Variants in DLG2 observed in about 807,000 individuals in gnomAD.
DLG2 encodes the protein disks large homolog 2.
In DLG2, 45 loss-of-function variants were observed where a neutral mutation model predicts 132.5. The observed-to-expected ratio is 0.34, with a 90% CI of 0.27 to 0.44. The LOEUF (loss-of-function observed/expected upper bound fraction) is 0.44, where lower values mean the gene tolerates loss of function less well. Among genes scored for constraint, DLG2 ranks in the 20% least tolerant of loss-of-function variants. DLG2 has a pLI of 1.00. For synonymous variants in DLG2, 424 were observed against 419.6 expected, an observed-to-expected ratio of 1.01 and a Z score of -0.13; for missense variants, 1,045 against 1,196.9, an observed-to-expected ratio of 0.87 and a Z score of 1.87.
At chr11:85,480,579 T>C (rs2093264294) in intron 3 of DLG2, among the ~76,000 whole-genome samples, 1 of 152,226 alleles carries the variant, frequency 6.6e-6, no homozygotes, top group Admixed American at 6.5e-5. Context: ...ACATGTGTAA[T>C]GAGAGCATAT....
intron 14 of DLG2, among the ~76,000 whole-genome samples, chr11:83,959,748 TGAAAACAGA>T (rs2087984476): frequency 6.6e-6 from 1 of 152,074 alleles, no homozygotes; most frequent in African/African-American, 2.4e-5. Context: ...ATGGGGCCTT[TGAAAACAGA>T]CAGACCTGAA....
At chr11:84,862,124 C>T (rs1450066801) in intron 6 of DLG2, among the ~76,000 whole-genome samples, 1 of 151,854 alleles carries the variant, frequency 6.6e-6, no homozygotes, top group Admixed American at 6.6e-5. Flanking sequence ...CAGCATGGCA[C>T]ATGTATACAC....
chr11:85,070,948 T>C (rs937881051), intron 6 of DLG2, among the ~76,000 whole-genome samples: 3 of 151,852 alleles, frequency 2.0e-5, no homozygotes, highest in African/African-American at 7.2e-5. Flanking sequence ...AAAATAGCAG[T>C]GAAGAGCTTG....
At chr11:85,233,412 CAG>C (rs1245952958) in intron 4 of DLG2, among the ~76,000 whole-genome samples, 1 of 151,888 alleles carries the variant, frequency 6.6e-6, no homozygotes, top group Non-Finnish European at 1.5e-5. Flanking sequence ...TCATTTTTCA[CAG>C]AGTCAGCCTC....
intron 7 of DLG2, among the ~76,000 whole-genome samples, chr11:84,515,276 T>TAC (rs142638064): frequency 0.044 from 6,242 of 141,872 alleles, 133 homozygotes; most frequent in African/African-American, 0.055. Context: ...TGAACTTAAA[T>TAC]ACACACACAC....
chr11:85,102,612 A>T lies in DLG2; in HGVS notation c.357+9049T>A, dbSNP rs1417866261. Among the ~76,000 whole-genome samples the T allele has an allele frequency of 3.9e-5, 6 of 152,014 alleles. No individual in the cohort carries two copies. In the East Asian group the frequency reaches 9.7e-4, roughly 24 times the overall value. On this transcript the variant is annotated intron_variant, in intron 6 of 27. Transcript: ENST00000376104. ...CCCTTTCATAATAAAAACAACCAAC[A>T]TTAGTAATTAAGGGAACTTCCTCAG...
Position 84,499,771 on chromosome 11 carries a change from A to G in DLG2, c.519+34799T>C, listed in dbSNP as rs116096076. On this transcript the variant is annotated intron_variant, in intron 7 of 27. Transcript: ENST00000376104. Reference sequence around the variant, plus strand: ...CTTCCTCTCTCTCTCTCTCTCTCACATGCACACACATGCATATATGCTCAC... The same window carrying G: ...CTTCCTCTCTCTCTCTCTCTCTCACGTGCACACACATGCATATATGCTCAC... Among the ~76,000 whole-genome samples the G allele has an allele frequency of 4.6e-5, 7 of 151,900 alleles. No homozygotes were observed. The South Asian group carries it at 1.5e-3, about 32-fold the overall frequency.
At chr11:84,229,885 G>A (rs1188396779) in intron 8 of DLG2, among the ~76,000 whole-genome samples, 1 of 152,178 alleles carries the variant, frequency 6.6e-6, no homozygotes, top group Non-Finnish European at 1.5e-5. Flanking sequence ...CCAGTACTGA[G>A]TAAGCACTCA....
intron 21 of DLG2, among the ~76,000 whole-genome samples, chr11:83,492,783 C>T (rs1467708111): frequency 6.6e-6 from 1 of 152,054 alleles, no homozygotes; most frequent in Non-Finnish European, 1.5e-5. Flanking sequence ...CCACCTCTCA[C>T]CATCTCCACC....
intron 5 of DLG2, among the ~76,000 whole-genome samples, chr11:85,144,123 T>C (rs1387117257): frequency 1.3e-5 from 2 of 151,888 alleles, no homozygotes; most frequent in Non-Finnish European, 2.9e-5. Flanking sequence ...TGGGTGCATA[T>C]ACATTTATAA....
At chr11:84,189,936 A>G (rs917178186) in intron 8 of DLG2, among the ~76,000 whole-genome samples, 3 of 152,020 alleles carry the variant, frequency 2.0e-5, no homozygotes, top group East Asian at 3.9e-4. Context: ...ACGTTTCCCT[A>G]TGTAACAACT....
intron 6 of DLG2, among the ~76,000 whole-genome samples, chr11:84,976,025 G>C (rs924113825): frequency 6.6e-6 from 1 of 152,034 alleles, no homozygotes; most frequent in Non-Finnish European, 1.5e-5. Context: ...CAAATATCCT[G>C]TCTCCAACAA....
intron 6 of DLG2, among the ~76,000 whole-genome samples, chr11:84,862,315 A>G (rs967939043): frequency 6.6e-6 from 1 of 152,232 alleles, no homozygotes; most frequent in Non-Finnish European, 1.5e-5. Context: ...TAAAGTCAGG[A>G]AACAACAGAT....
chr11:83,700,888 C>A (rs1431225259), intron 18 of DLG2, among the ~76,000 whole-genome samples: 2 of 152,068 alleles, frequency 1.3e-5, no homozygotes, highest in Non-Finnish European at 2.9e-5. Flanking sequence ...ATATTGTAAC[C>A]CAAACAATTG....
chr11:84,567,325 C>T (rs756714698), intron 6 of DLG2, among the ~76,000 whole-genome samples: 3 of 152,068 alleles, frequency 2.0e-5, no homozygotes, highest in Non-Finnish European at 4.4e-5. Flanking sequence ...AGAAAGCAAG[C>T]TGAAAAGTAT....
intron 6 of DLG2, among the ~76,000 whole-genome samples, chr11:84,860,364 T>A (rs1429761228): frequency 6.6e-6 from 1 of 152,154 alleles, no homozygotes; most frequent in Non-Finnish European, 1.5e-5. Flanking sequence ...CAGAGAATGT[T>A]CATTAAGTAC....
At position 85,495,546 on chromosome 11, in the gene DLG2, G is replaced by C. The variant is rs370195276; in HGVS notation, c.40+103111C>G. 9.2e-5 allele frequency among the ~76,000 whole-genome samples: 14 copies of C among 152,222 alleles called. No homozygotes were observed. In the East Asian group the frequency reaches 2.5e-3, roughly 27 times the overall value. Reference sequence around the variant, plus strand: ...CATGAAAAAAAGCTCATCATCACTAGTCATTAGAAAAATGCAAATCAAAAC... The same window carrying C: ...CATGAAAAAAAGCTCATCATCACTACTCATTAGAAAAATGCAAATCAAAAC... On this transcript the variant is annotated intron_variant, in intron 3 of 27. Coordinates refer to ENST00000376104, the MANE Select transcript of DLG2 (RefSeq NM_001142699.3).
chr11:84,964,603 A>G (rs2053063715), intron 6 of DLG2, among the ~76,000 whole-genome samples: 1 of 152,132 alleles, frequency 6.6e-6, no homozygotes, highest in African/African-American at 2.4e-5. Flanking sequence ...CTCTGCCGTT[A>G]ATATGTCAGA....
rs76715826 is a variant in DLG2, at chr11:85,203,454, G to C, written c.187-48803C>G. On this transcript the variant is annotated intron_variant, in intron 4 of 27. Coordinates refer to ENST00000376104, the MANE Select transcript of DLG2 (RefSeq NM_001142699.3). ...ATTAGGAAACCTAGAAGAAATTAGTGAATAAATTTCTGGACATATACAACT... is the reference window on the plus strand; with the variant it reads ...ATTAGGAAACCTAGAAGAAATTAGTCAATAAATTTCTGGACATATACAACT... 3.0e-4 allele frequency among the ~76,000 whole-genome samples: 45 copies of C among 152,036 alleles called. 1 individual carries two copies. In the East Asian group the frequency reaches 8.7e-3, roughly 29 times the overall value.
Sources: gnomAD v4.1 joint callset for allele counts (sites outside exome capture counted in the v4.1 genomes callset) on GRCh38, gnomAD v4.1.1 for gene constraint, MANE v1.5 for transcripts, NCBI Gene and HGNC (gene_info 2026-07-23, HGNC 2026-07-21) for gene names.